The following ABTB3 variants were observed in gnomAD, a reference collection of about 807,000 sequenced individuals.
The protein encoded by ABTB3 is ankyrin repeat and BTB domain containing 3.
chr12:107,566,444 C>A, the ABTB3 span, among the ~76,000 whole-genome samples: 1 of 152,102 alleles, frequency 6.6e-6, no homozygotes, highest in African/African-American at 2.4e-5. Flanking sequence ...GCCAGACTCA[C>A]AGTATGAGTT....
chr12:107,366,970 T>C, the ABTB3 span, among the ~76,000 whole-genome samples: 1 of 152,208 alleles, frequency 6.6e-6, no homozygotes, highest in African/African-American at 2.4e-5. Context: ...CCCACTTGGC[T>C]GTGCCTGTTG....
the ABTB3 span, chr12:107,614,938 G>T: frequency 1.3e-6 from 1 of 750,090 alleles, no homozygotes; most frequent in Non-Finnish European, 2.2e-6. Context: ...CTCTTCCCGA[G>T]GCATCTTCCA....
At chr12:107,340,695 T>G in the ABTB3 span, among the ~76,000 whole-genome samples, 1 of 151,908 alleles carries the variant, frequency 6.6e-6, no homozygotes, top group Non-Finnish European at 1.5e-5. Context: ...CCATCCTATT[T>G]TAGAGAGAAT....
the ABTB3 span, among the ~76,000 whole-genome samples, chr12:107,387,163 A>C: frequency 2.0e-5 from 3 of 151,922 alleles, no homozygotes; most frequent in African/African-American, 7.3e-5. Context: ...TTTTTAGTAG[A>C]GACAGGGTTT....
At chr12:107,450,437 C>G in the ABTB3 span, among the ~76,000 whole-genome samples, 1 of 152,182 alleles carries the variant, frequency 6.6e-6, no homozygotes, top group African/African-American at 2.4e-5. Context: ...GCAGAAGCTT[C>G]TATACCACCT....
the ABTB3 span, among the ~76,000 whole-genome samples, chr12:107,626,213 T>C: frequency 6.6e-6 from 1 of 152,190 alleles, no homozygotes. Flanking sequence ...TTCTTTTATA[T>C]GTAATGTCCA....
At chr12:107,393,322 C>T in the ABTB3 span, among the ~76,000 whole-genome samples, 1 of 138,678 alleles carries the variant, frequency 7.2e-6, no homozygotes, top group African/African-American at 2.7e-5. Context: ...GATCTGGTTT[C>T]CTGTATCAGG....
the ABTB3 span, among the ~76,000 whole-genome samples, chr12:107,543,346 A>C: frequency 6.6e-6 from 1 of 151,592 alleles, no homozygotes; most frequent in Non-Finnish European, 1.5e-5. Context: ...CTCAAAAAAA[A>C]AAAAAAAAAA....
chr12:107,456,891 C>T, the ABTB3 span, among the ~76,000 whole-genome samples: 6 of 151,382 alleles, frequency 4.0e-5, no homozygotes, highest in Admixed American at 6.6e-5. Flanking sequence ...GACAGAGTTT[C>T]GCTCATTGCC....
At chr12:107,363,135 G>A in the ABTB3 span, among the ~76,000 whole-genome samples, 1 of 152,310 alleles carries the variant, frequency 6.6e-6, no homozygotes, top group Non-Finnish European at 1.5e-5. Flanking sequence ...ATTGTCCCCG[G>A]GTTGAAATGG....
At chr12:107,640,834 C>T in the ABTB3 span, among the ~76,000 whole-genome samples, 1 of 152,206 alleles carries the variant, frequency 6.6e-6, no homozygotes, top group African/African-American at 2.4e-5. Flanking sequence ...TATCATGTAA[C>T]AATAGGAAGA....
At chr12:107,494,723 C>T in the ABTB3 span, among the ~76,000 whole-genome samples, 58 of 152,320 alleles carry the variant, frequency 3.8e-4, no homozygotes, top group African/African-American at 1.4e-3. Flanking sequence ...CCTTCCACAG[C>T]CCTCGCCACC....
At chr12:107,320,906 A>T in the ABTB3 span, among the ~76,000 whole-genome samples, 1 of 152,116 alleles carries the variant, frequency 6.6e-6, no homozygotes, top group Non-Finnish European at 1.5e-5. Flanking sequence ...CGTCGTTTCC[A>T]GCAGGTTCTA....
At chr12:107,322,965 C>A in the ABTB3 span, among the ~76,000 whole-genome samples, 1 of 152,280 alleles carries the variant, frequency 6.6e-6, no homozygotes, top group South Asian at 2.1e-4. Context: ...CTGGGCAGAA[C>A]TGGATTTTTC....
At chr12:107,423,423 A>G in the ABTB3 span, among the ~76,000 whole-genome samples, 1 of 152,226 alleles carries the variant, frequency 6.6e-6, no homozygotes, top group Non-Finnish European at 1.5e-5. Flanking sequence ...TGACAGTCAC[A>G]TGTTCTCTAA....
chr12:107,424,908 T>C, the ABTB3 span, among the ~76,000 whole-genome samples: 1 of 152,240 alleles, frequency 6.6e-6, no homozygotes, highest in Non-Finnish European at 1.5e-5. Flanking sequence ...AACGTATTTA[T>C]GGCCAGTCCT....
the ABTB3 span, chr12:107,651,617 G>A: frequency 1.6e-6 from 2 of 1,263,110 alleles, no homozygotes; most frequent in Non-Finnish European, 2.3e-6. Flanking sequence ...GTTCCTTATT[G>A]TTACCTCCTT....
the ABTB3 span, chr12:107,581,110 G>A: frequency 9.7e-6 from 15 of 1,546,238 alleles, no homozygotes; most frequent in African/African-American, 1.4e-5. Context: ...TGCCTCCGGG[G>A]AGGCCCTAAC....
the ABTB3 span, among the ~76,000 whole-genome samples, chr12:107,589,775 T>A: frequency 6.6e-6 from 1 of 152,228 alleles, no homozygotes; most frequent in Non-Finnish European, 1.5e-5. Flanking sequence ...GGGGCAGAAA[T>A]AAGTTGCCTT....
Sources: gnomAD v4.1 joint callset for allele counts (sites outside exome capture counted in the v4.1 genomes callset) on GRCh38, gnomAD v4.1.1 for gene constraint, MANE v1.5 for transcripts, NCBI Gene and HGNC (gene_info 2026-07-23, HGNC 2026-07-21) for gene names.